The following HLCS variants were observed in gnomAD, a reference collection of about 807,000 sequenced individuals.
HLCS encodes biotin--protein ligase.
Under a neutral mutation model 75.0 loss-of-function variants are expected in HLCS, and 53 were observed. That is an observed-to-expected ratio of 0.71 (90% CI 0.57 to 0.89). The LOEUF is 0.89. HLCS is among the 40% of genes least tolerant of loss of function. The pLI, the probability that HLCS is intolerant of heterozygous loss-of-function variation, is 0.00. For missense variants in HLCS, 966 were observed against 1,074.0 expected (o/e 0.90, Z 1.41); for synonymous variants, 431 against 428.6 (o/e 1.01, Z -0.07).
At chr21:36,910,137 A>G (rs1404944285) in intron 5 of HLCS, among the ~76,000 whole-genome samples, 1 of 152,228 alleles carries the variant, frequency 6.6e-6, no homozygotes, top group African/African-American at 2.4e-5. Flanking sequence ...ACGCAATCCA[A>G]TTCTTACTAT....
intron 6 of HLCS, among the ~76,000 whole-genome samples, chr21:36,892,772 G>C (rs1176468206): frequency 6.6e-6 from 1 of 152,164 alleles, no homozygotes; most frequent in Non-Finnish European, 1.5e-5. Flanking sequence ...CGGAGAAAAA[G>C]AGATTTTGTA....
intron 6 of HLCS, among the ~76,000 whole-genome samples, chr21:36,839,977 G>A (rs560936165): frequency 6.6e-6 from 1 of 152,350 alleles, no homozygotes; most frequent in Admixed American, 6.5e-5. Flanking sequence ...AATTTTGGAA[G>A]TGCTTTCCAA....
At chr21:36,977,963 A>T (rs1275092639) in intron 1 of HLCS, among the ~76,000 whole-genome samples, 8 of 152,164 alleles carry the variant, frequency 5.3e-5, no homozygotes, top group Non-Finnish European at 7.3e-5. Context: ...CTTCGTGGGG[A>T]AACTATTACA....
At chr21:36,790,128 T>C (rs529209137) in intron 6 of HLCS, among the ~76,000 whole-genome samples, 196 of 152,294 alleles carry the variant, frequency 1.3e-3, no homozygotes, top group African/African-American at 4.6e-3. Flanking sequence ...GTTTTGGGCC[T>C]GGCGCAGTGG....
chr21:36,916,595 C>A (rs2065944392), intron 5 of HLCS, among the ~76,000 whole-genome samples: 1 of 145,968 alleles, frequency 6.9e-6, no homozygotes, highest in African/African-American at 2.5e-5. Flanking sequence ...TGGTCTTCAA[C>A]ACCTGGACTC....
intron 5 of HLCS, among the ~76,000 whole-genome samples, 173 bp from the exon 6 acceptor site, chr21:36,897,304 T>C (rs1276907466): frequency 1.3e-5 from 2 of 152,208 alleles, no homozygotes; most frequent in African/African-American, 4.8e-5. Context: ...GATAATCATA[T>C]ACTTAGTATA....
chr21:36,967,023 A>T (rs145370119), upstream of HLCS, among the ~76,000 whole-genome samples: 47 of 151,238 alleles, frequency 3.1e-4, no homozygotes, highest in East Asian at 7.9e-3. Flanking sequence ...TGGGATGGGT[A>T]TGTTGTGGAT....
chr21:36,955,998 G>A (rs1305635596), intron 2 of HLCS, among the ~76,000 whole-genome samples: 1 of 152,148 alleles, frequency 6.6e-6, no homozygotes, highest in Admixed American at 6.6e-5. Flanking sequence ...AATCCCAGGT[G>A]TAAAGTAGGC....
intron 2 of HLCS, among the ~76,000 whole-genome samples, chr21:36,952,512 G>A (rs1416210838): frequency 2.6e-5 from 4 of 152,092 alleles, no homozygotes; most frequent in Admixed American, 6.6e-5. Context: ...AAGTAACCAC[G>A]GCCGAGCGCG....
intron 2 of HLCS, among the ~76,000 whole-genome samples, chr21:36,952,789 C>CAAAAAAAA (rs35700333): frequency 6.1e-5 from 3 of 48,846 alleles, no homozygotes; most frequent in Non-Finnish European, 8.7e-5. Context: ...GACTCCGTCT[C>CAAAAAAAA]AAAAAAAAAA....
chr21:36,793,713 A>G (rs926166518), intron 6 of HLCS, among the ~76,000 whole-genome samples: 5 of 152,212 alleles, frequency 3.3e-5, no homozygotes, highest in Non-Finnish European at 5.9e-5. Flanking sequence ...TACCAGAATT[A>G]TGGAGTAAAA....
chr21:36,882,608 TTTTC>T (rs1417909695), intron 6 of HLCS, among the ~76,000 whole-genome samples: 12 of 143,892 alleles, frequency 8.3e-5, no homozygotes, highest in South Asian at 2.2e-4. Context: ...GCCTGGCTAA[TTTTC>T]TTTCTTTCTT....
At chr21:36,888,477 T>A (rs1381116428) in intron 6 of HLCS, among the ~76,000 whole-genome samples, 23 of 126,720 alleles carry the variant, frequency 1.8e-4, no homozygotes, top group East Asian at 6.9e-4. Context: ...TATATATATA[T>A]ATATATATAT....
chr21:36,865,088 G>A (rs1263533472), intron 6 of HLCS, among the ~76,000 whole-genome samples: 2 of 142,990 alleles, frequency 1.4e-5, no homozygotes, highest in Non-Finnish European at 3.1e-5. Flanking sequence ...GGATGGGTGA[G>A]AAAAGTCAGT....
At position 36,906,480 on chromosome 21, in the gene HLCS, C is replaced by G. The variant is rs1295222462; in HGVS notation, c.1621-9349G>C. On this transcript the variant is annotated intron_variant, in intron 5 of 10. Coordinates refer to ENST00000674895, the MANE Select transcript of HLCS (RefSeq NM_001352514.2). Reference sequence around the variant, plus strand: ...GCCCAGGAGCTAGGCTGCAACAAGCCATGATGGCACCACTGCACTCCAGTC... The same window carrying G: ...GCCCAGGAGCTAGGCTGCAACAAGCGATGATGGCACCACTGCACTCCAGTC... Among the ~76,000 whole-genome samples the G allele has an allele frequency of 3.3e-5, 5 of 152,222 alleles. No individual in the cohort carries two copies. The East Asian group carries it at 9.7e-4, about 29-fold the overall frequency.
chr21:36,966,321 G>A, intron 1 of HLCS, 123 bp downstream of exon 1: 1 of 331,168 alleles, frequency 3.0e-6, no homozygotes, highest in Non-Finnish European at 4.3e-6. Context: ...GGCCGCACAG[G>A]CCGCACTGAG....
chr21:36,810,048 GTATAGT>G (rs1227415455), intron 6 of HLCS, among the ~76,000 whole-genome samples: 3 of 152,212 alleles, frequency 2.0e-5, no homozygotes, highest in African/African-American at 7.2e-5. Context: ...CAGCCATTTA[GTATAGT>G]TATAACAGCC....
chr21:36,966,628 G>C lies in HLCS; in HGVS notation c.11C>G (p.Thr4Arg). ...CGCCCACAGGTACAGGTAGCACAGCGTGATGAGCATGGCCGCGCCGCCGGC... is the reference window on the plus strand; with the variant it reads ...CGCCCACAGGTACAGGTAGCACAGCCTGATGAGCATGGCCGCGCCGCCGGC... MLI[T>R]LCYLYLWARW... The change falls in exon 1 of 11, where the codon ACG (threonine) becomes AGG (arginine). Residue 4 changes from threonine (T) to arginine (R), a missense_variant. Transcript: ENST00000674895. The C allele has an allele frequency of 1.0e-6, 1 of 982,800 alleles. No individual in the cohort carries two copies. The highest frequency in any genetic ancestry group is 1.2e-6 in the Non-Finnish European group (1 of 829,092). 60.9% of individuals were successfully genotyped at this position (982,800 alleles called of 1,614,324 possible). A position where few individuals can be genotyped will look rare whatever the true frequency, so the allele number is the denominator to read the frequency against.
intron 6 of HLCS, among the ~76,000 whole-genome samples, chr21:36,831,974 GCACAGCTAAGCTTT>G (rs2062227571): frequency 6.6e-6 from 1 of 152,086 alleles, no homozygotes; most frequent in Admixed American, 6.5e-5. Context: ...AGGACACAGG[GCACAGCTAAGCTTT>G]CACAGCTCAG....
Sources: allele counts gnomAD v4.1 joint callset (sites outside exome capture counted in the v4.1 genomes callset), GRCh38; gene constraint gnomAD v4.1.1; transcripts MANE v1.5; gene names NCBI Gene and HGNC (gene_info 2026-07-23, HGNC 2026-07-21).